The following HSPA4 variants were observed in gnomAD, a reference collection of about 807,000 sequenced individuals.
HSPA4 encodes heat shock protein family A (Hsp70) member 4, also known as heat shock 70 kDa protein 4.
HSPA4 carries 25 observed loss-of-function variants against 106.2 expected under a neutral mutation model. The ratio of observed to expected loss-of-function variants is 0.24; its 90% CI spans 0.17 to 0.33. The LOEUF is 0.33. HSPA4 is among the 10% of genes least tolerant of loss of function. HSPA4 has a pLI of 1.00. For synonymous variants in HSPA4, 332 were observed against 333.6 expected (o/e 1.00, Z 0.05); for missense variants, 841 against 996.0 (o/e 0.84, Z 2.10).
intron 8 of HSPA4, among the ~76,000 whole-genome samples, chr5:133,087,939 A>G (rs889522490): frequency 2.6e-5 from 4 of 152,108 alleles, no homozygotes; most frequent in Admixed American, 2.6e-4. Context: ...CTGTGTTTTA[A>G]CGTGGACTAT....
At chr5:133,089,396 A>T (rs1376324420) in intron 10 of HSPA4, among the ~76,000 whole-genome samples, 166 bp from the exon 11 acceptor site, 1 of 152,140 alleles carries the variant, frequency 6.6e-6, no homozygotes, top group Non-Finnish European at 1.5e-5. Context: ...TTCCTTTTTT[A>T]CTGACTTTAT....
In HSPA4 at chr5:133,096,230, A is replaced by T. The variant is rs767938212; in HGVS notation, c.1783A>T (p.Asn595Tyr). Residue 595 changes from asparagine (N) to tyrosine (Y), a missense_variant, in exon 14 of 19, where the codon AAC becomes TAC. Physicochemically the swap from Asn to Tyr is moderately radical, Grantham distance 143. Around this residue, in one of 5 missense-constraint regions of HSPA4, gnomAD observed 328 missense variants for 372.2 expected, o/e 0.88. Coordinates refer to ENST00000304858, the MANE Select transcript of HSPA4 (RefSeq NM_002154.4). ...ATGGCAGATAGACAGAGAGATGCTC[A>T]ACTTGTACATTGAAAATGAGGTTGT... ...LLWQIDREML[N>Y]LYIENEGKMI... The T allele has an allele frequency of 6.2e-7, 1 of 1,613,618 alleles. No individual in the cohort carries two copies. Among genetic ancestry groups the T allele is most frequent in the South Asian group, 1.1e-5 (1 of 90,984 alleles).
rs72667112 is a variant in HSPA4, at chr5:133,066,610, C to T, written c.166-807C>T. 0.015 allele frequency among the ~76,000 whole-genome samples: 2,268 copies of T among 151,924 alleles called. 256 individuals are homozygous for T. In the East Asian group the frequency reaches 0.3, roughly 20 times the overall value. Reference sequence around the variant, plus strand: ...ATTAACCATTTAGGCTGTTTCTAGGCGTCTGCTACTACAAATAATACTCTC... The same window carrying T: ...ATTAACCATTTAGGCTGTTTCTAGGTGTCTGCTACTACAAATAATACTCTC... On this transcript the variant is annotated intron_variant, in intron 2 of 18. Coordinates refer to ENST00000304858, the MANE Select transcript of HSPA4 (RefSeq NM_002154.4).
intron 13 of HSPA4, 105 bp downstream of exon 13, chr5:133,092,894 C>T (rs568537580): frequency 2.8e-5 from 18 of 646,268 alleles, no homozygotes; most frequent in African/African-American, 4.0e-5. Context: ...GATCTCGGCT[C>T]GCTGCATCCT....
intron 1 of HSPA4, among the ~76,000 whole-genome samples, chr5:133,062,224 T>C (rs1765253771): frequency 6.6e-6 from 1 of 152,200 alleles, no homozygotes; most frequent in Admixed American, 6.5e-5. Flanking sequence ...CAAGACAGTT[T>C]CAGAGTTACT....
chr5:133,104,242 A>G lies in HSPA4; in HGVS notation c.2329A>G (p.Ser777Gly). ...GTCTTACCCATTCCAGGAGCTGACA[A>G]GTACTTGTAGCCCTATAATTTCAAA... ...EIEAKIKELT[S>G]TCSPIISKPK... The change falls in exon 19 of 19, where the codon AGT becomes GGT. Residue 777 changes from serine (S) to glycine (G), a missense_variant. By Grantham distance (56) the Ser-to-Gly change is moderately conservative (BLOSUM62 0). Transcript: ENST00000304858. 1.9e-6 allele frequency: 3 copies of G among 1,613,958 alleles called. No homozygotes were observed. The highest frequency in any genetic ancestry group is 2.5e-6 in the Non-Finnish European group (3 of 1,179,874).
At chr5:133,084,143 C>T (rs887214198) in intron 7 of HSPA4, among the ~76,000 whole-genome samples, 2 of 152,114 alleles carry the variant, frequency 1.3e-5, no homozygotes, top group African/African-American at 4.8e-5. Context: ...ATTTTTCAGT[C>T]CCTAGATTAA....
chr5:133,081,000 C>G (rs151086188), intron 7 of HSPA4, among the ~76,000 whole-genome samples: 4 of 152,288 alleles, frequency 2.6e-5, no homozygotes, highest in African/African-American at 9.6e-5. Context: ...CTCCATTTCC[C>G]TCCATACCCT....
At chr5:133,072,230 A>C (rs1224960239) in intron 4 of HSPA4, among the ~76,000 whole-genome samples, 3 of 152,118 alleles carry the variant, frequency 2.0e-5, no homozygotes, top group Admixed American at 2.0e-4. Flanking sequence ...GAAGGGATAC[A>C]AAGCAAAATC....
At position 133,052,106 on chromosome 5, in the gene HSPA4, A is replaced by G. The variant is rs1765086849; in HGVS notation, c.-145A>G. The G allele has an allele frequency of 1.0e-5, 6 of 602,206 alleles. No homozygotes were observed. The highest frequency in any genetic ancestry group is 1.8e-5 in the Non-Finnish European group (6 of 341,898). 37.3% of individuals were successfully genotyped at this position (602,206 alleles called of 1,614,324 possible). ...GCTCTCGGTTGCAGTACCCACTGGA[A>G]GGACTTAGGCGCTCGCGTGGACACC... is the stretch of plus-strand genomic sequence containing the variant. On this transcript the variant is annotated 5_prime_UTR_variant, in exon 1 of 19. Coordinates refer to ENST00000304858, the MANE Select transcript of HSPA4 (RefSeq NM_002154.4).
chr5:133,086,810 C>T lies in HSPA4; in HGVS notation c.937C>T (p.Leu313Phe), dbSNP rs1373612967. Reference sequence around the variant, plus strand: ...CAAATTTCTGGAGATGTGCAATGATCTCTTAGCTAGAGTGGAGCCACCACT... The same window carrying T: ...CAAATTTCTGGAGATGTGCAATGATTTCTTAGCTAGAGTGGAGCCACCACT... ...RGKFLEMCNDLLARVEPPLRS... is the reference protein window; with the variant it reads ...RGKFLEMCNDFLARVEPPLRS... The change falls in exon 8 of 19, where the codon CTC becomes TTC. Residue 313 changes from leucine to phenylalanine, a missense_variant. Around this residue, in one of 5 missense-constraint regions of HSPA4, gnomAD observed 347 missense variants for 408.7 expected, o/e 0.85. Coordinates refer to ENST00000304858, the MANE Select transcript of HSPA4 (RefSeq NM_002154.4). 1 of 1,613,656 alleles carries T rather than the reference C, an allele frequency of 6.2e-7. No homozygotes were observed. Among genetic ancestry groups the T allele is most frequent in the South Asian group, 1.1e-5 (1 of 91,066 alleles).
rs752759610 is a variant in HSPA4 at position 133,097,211 on chromosome 5, G to A, written c.1854G>A (p.Lys618=). 1.5e-4 allele frequency: 247 copies of A among 1,611,696 alleles called. No individual in the cohort carries two copies. Among genetic ancestry groups the A allele is most frequent in the Non-Finnish European group, 1.9e-4 (228 of 1,178,014 alleles). The change falls in exon 15 of 19, where the codon AAG becomes AAA. Residue 618 remains lysine, a synonymous_variant. Coordinates refer to ENST00000304858, the MANE Select transcript of HSPA4 (RefSeq NM_002154.4). ...DKLEKERNDA[K]NAVEEYVYEM... is the part of the protein sequence containing the mutation. The stretch of plus-strand genomic sequence containing the variant: ...TGGAGAAGGAGCGGAATGATGCTAA[G>A]AACGCAGTGGAGGAATATGTGTATG...
chr5:133,067,579 C>A, intron 3 of HSPA4, 22 bp downstream of exon 3: 5 of 1,559,402 alleles, frequency 3.2e-6, no homozygotes, highest in Non-Finnish European at 3.5e-6. Flanking sequence ...AGGTTAATGC[C>A]TTTTAATTAA....
chr5:133,100,202 T>C (rs1765766928), intron 16 of HSPA4, among the ~76,000 whole-genome samples: 1 of 151,502 alleles, frequency 6.6e-6, no homozygotes, highest in South Asian at 2.1e-4. Context: ...TAGCTGGGAT[T>C]ACAGGCGCGT....
chr5:133,061,148 A>T (rs1399639068), intron 1 of HSPA4, among the ~76,000 whole-genome samples: 3 of 143,334 alleles, frequency 2.1e-5, no homozygotes, highest in South Asian at 2.2e-4. Context: ...TTTGAGACGG[A>T]GTCTTGCCCT....
intron 12 of HSPA4, 137 bp from the exon 13 acceptor site, chr5:133,092,563 C>T (rs954919452): frequency 1.4e-5 from 9 of 664,570 alleles, no homozygotes; most frequent in Middle Eastern, 5.5e-4. Flanking sequence ...GGTAATGTGG[C>T]CTACCTGGAA....
intron 7 of HSPA4, among the ~76,000 whole-genome samples, chr5:133,080,803 T>G (rs1581473680): frequency 6.6e-6 from 1 of 152,156 alleles, no homozygotes; most frequent in African/African-American, 2.4e-5. Context: ...AATTCTGTTC[T>G]AGGTCTTTCT....
intron 16 of HSPA4, among the ~76,000 whole-genome samples, chr5:133,100,950 T>C (rs1765777262): frequency 6.6e-6 from 1 of 152,132 alleles, no homozygotes. Flanking sequence ...GGACTACAGC[T>C]GTGCGCCATC....
intron 3 of HSPA4, among the ~76,000 whole-genome samples, chr5:133,070,136 C>T (rs1765362257): frequency 6.6e-6 from 1 of 151,622 alleles, no homozygotes; most frequent in Admixed American, 6.6e-5. Context: ...CACGGCGCTC[C>T]AGAGAGAGAG....
Sources: gnomAD v4.1 joint callset for allele counts (sites outside exome capture counted in the v4.1 genomes callset) on GRCh38, gnomAD v4.1.1 for gene constraint, gnomAD v4.1.1 regional missense constraint, MANE v1.5 for transcripts, NCBI Gene and HGNC (gene_info 2026-07-23, HGNC 2026-07-21) for gene names.